Variants in ALDOB observed in about 807,000 individuals in gnomAD.
The protein encoded by ALDOB is aldolase, fructose-bisphosphate B, also known as fructose-bisphosphate aldolase B.
ALDOB carries 39 observed loss-of-function variants against 41.0 expected under a neutral mutation model. The observed-to-expected ratio is 0.95, with a 90% confidence interval of 0.74 to 1.24. The LOEUF (loss-of-function observed/expected upper bound fraction) is 1.24. Among genes scored for constraint, ALDOB ranks in the 50% most tolerant of loss-of-function variants. ALDOB has a pLI of 0.00. For missense variants in ALDOB, 530 were observed against 457.3 expected, an observed-to-expected ratio of 1.16 and a Z score of -1.45; for synonymous variants, 175 against 168.8, an observed-to-expected ratio of 1.04 and a Z score of -0.28.
intron 1 of ALDOB, among the ~76,000 whole-genome samples, chr9:101,432,251 G>A (rs575263900): frequency 6.6e-6 from 1 of 152,300 alleles, no homozygotes; most frequent in Admixed American, 6.5e-5. Context: ...CCAAAAGAAT[G>A]AAACTGCAAT....
chr9:101,433,113 G>A (rs940317568), intron 1 of ALDOB, among the ~76,000 whole-genome samples: 18 of 152,166 alleles, frequency 1.2e-4, no homozygotes, highest in African/African-American at 3.9e-4. Context: ...TGCCATCTAT[G>A]AGCACCCTGC....
At chr9:101,427,676 T>A in intron 4 of ALDOB, 34 bp from the exon 5 acceptor site, 2 of 1,612,818 alleles carry the variant, frequency 1.2e-6, no homozygotes, top group Admixed American at 1.7e-5. Context: ...GGCTTCTTTG[T>A]ACCTTTGTAC....
rs1378809922 is a variant in ALDOB, at chr9:101,429,965, A to G, written c.114T>C (p.Gly38=). The stretch of plus-strand genomic sequence containing the variant: ...TCCTCTGCAGGCGGTTCCCCATGGT[A>G]CCTATGGTGGGAGGGCCAAGGGCAG... ...KGILAADESV[G]TMGNRLQRIK... The change falls in exon 3 of 9, where the codon GGT becomes GGC. Residue 38 remains glycine, a splice_region_variant and synonymous_variant. Coordinates refer to ENST00000647789, the MANE Select transcript of ALDOB (RefSeq NM_000035.4). The G allele has an allele frequency of 1.9e-6, 3 of 1,613,850 alleles. No individual in the cohort carries two copies. Among genetic ancestry groups the G allele is most frequent in the Admixed American group, 3.3e-5 (2 of 60,020 alleles).
chr9:101,435,023 C>A (rs1831271590), intron 1 of ALDOB, among the ~76,000 whole-genome samples: 1 of 152,194 alleles, frequency 6.6e-6, no homozygotes, highest in Non-Finnish European at 1.5e-5. Context: ...AATACACAAC[C>A]TTTTGATTCC....
chr9:101,427,631 G>C lies in ALDOB; in HGVS notation c.391C>G (p.Leu131Val). 1 of 1,614,082 alleles carries C rather than the reference G, an allele frequency of 6.2e-7. No individual in the cohort carries two copies. The highest frequency in any genetic ancestry group is 8.5e-7 in the Non-Finnish European group (1 of 1,180,020). ...TTGTACTGAGCACAGCGCTCTGAGA[G>C]GCCATCAAGCCCTGCAAGTCACAAA... ...KETTIQGLDG[L>V]SERCAQYKKD... Residue 131 changes from leucine (L) to valine (V), a missense_variant, in exon 5 of 9, where the codon CTC (leucine) becomes GTC (valine). Transcript: ENST00000647789.
Position 101,425,054 on chromosome 9 carries a change from G to C in ALDOB, c.800-12C>G. The C allele has an allele frequency of 6.2e-7, 1 of 1,614,112 alleles. No homozygotes were observed. Among genetic ancestry groups the C allele is most frequent in the African/African-American group, 1.3e-5 (1 of 75,066 alleles). Reference sequence around the variant, plus strand: ...CAAAAAGCAGATGCCTGGTAGGAGAGAAGCCATTTCACTCTATTAGTCCCA... The same window carrying C: ...CAAAAAGCAGATGCCTGGTAGGAGACAAGCCATTTCACTCTATTAGTCCCA... On this transcript the variant is annotated splice_polypyrimidine_tract_variant and intron_variant, in intron 7 of 8. Transcript: ENST00000647789.
intron 8 of ALDOB, among the ~76,000 whole-genome samples, chr9:101,423,626 C>T (rs1422541168): frequency 2.6e-5 from 4 of 152,164 alleles, no homozygotes; most frequent in Admixed American, 1.3e-4. Context: ...CTGATTCCAA[C>T]TGTATTCTCT....
intron 8 of ALDOB, among the ~76,000 whole-genome samples, chr9:101,422,800 G>A (rs914904307): frequency 6.6e-6 from 1 of 152,158 alleles, no homozygotes. Context: ...TAAATATTTG[G>A]AGTGAATACC....
chr9:101,429,405 T>C (rs1831180998), intron 3 of ALDOB, among the ~76,000 whole-genome samples: 1 of 152,168 alleles, frequency 6.6e-6, no homozygotes, highest in African/African-American at 2.4e-5. Flanking sequence ...GCGATCCTCT[T>C]GCCTCTGCCT....
Position 101,428,559 on chromosome 9 carries a change from A to G in ALDOB, c.325-36T>C, listed in dbSNP as rs370963604. Reference sequence around the variant, plus strand: ...AAATAATTAACAGGTGTCAGATGTCAGGAAAACACAAGCAGAACTCTTGAA... The same window carrying G: ...AAATAATTAACAGGTGTCAGATGTCGGGAAAACACAAGCAGAACTCTTGAA... On this transcript the variant is annotated intron_variant, in intron 3 of 8. Coordinates refer to ENST00000647789, the MANE Select transcript of ALDOB (RefSeq NM_000035.4). 51 of 1,543,712 alleles carry G rather than the reference A, an allele frequency of 3.3e-5. No homozygotes were observed. The Middle Eastern group carries it at 8.4e-4, about 26-fold the overall frequency.
At chr9:101,425,138 G>T in intron 7 of ALDOB, 96 bp from the exon 8 acceptor site, 4 of 1,381,128 alleles carry the variant, frequency 2.9e-6, no homozygotes, top group Non-Finnish European at 1.0e-6. Flanking sequence ...TAATGTCTCA[G>T]TCTTTTCTCT....
At chr9:101,431,087 A>G (rs938967895) in intron 1 of ALDOB, among the ~76,000 whole-genome samples, 190 bp from the exon 2 acceptor site, 1 of 152,228 alleles carries the variant, frequency 6.6e-6, no homozygotes, top group Non-Finnish European at 1.5e-5. Context: ...GCTGCAATGA[A>G]TGAAGGTGGG....
At chr9:101,432,720 A>G (rs1831238881) in intron 1 of ALDOB, among the ~76,000 whole-genome samples, 1 of 152,188 alleles carries the variant, frequency 6.6e-6, no homozygotes, top group African/African-American at 2.4e-5. Flanking sequence ...AAAGAATATA[A>G]GAGAGTGTAA....
Position 101,429,613 on chromosome 9 carries a change from C to T in ALDOB, c.324+142G>A. ...GAAAACTCTAGAAGAGGATCTTGTTCTCTGTGGGAAGATGACGATGGAAAA... is the reference window on the plus strand; with the variant it reads ...GAAAACTCTAGAAGAGGATCTTGTTTTCTGTGGGAAGATGACGATGGAAAA... On this transcript the variant is annotated intron_variant, in intron 3 of 8. Transcript: ENST00000647789. 3.5e-6 allele frequency: 3 copies of T among 860,474 alleles called. No individual in the cohort carries two copies. The South Asian group carries it at 4.0e-5, about 11-fold the overall frequency. 53.3% of individuals were successfully genotyped at this position (860,474 alleles called of 1,614,324 possible).
intron 8 of ALDOB, 77 bp downstream of exon 8, chr9:101,424,766 A>G (rs761474284): frequency 1.2e-5 from 19 of 1,563,416 alleles, no homozygotes; most frequent in Non-Finnish European, 1.4e-5. Context: ...CCCAAAGAAA[A>G]CAATGCTTCT....
chr9:101,435,504 T>C (rs1387581070), intron 1 of ALDOB, among the ~76,000 whole-genome samples: 5 of 152,054 alleles, frequency 3.3e-5, no homozygotes, highest in South Asian at 4.2e-4. Context: ...TCTCAAAAAG[T>C]CAGGAAAGGT....
intron 4 of ALDOB, 72 bp from the exon 5 acceptor site, chr9:101,427,714 A>G (rs1325675543): frequency 6.3e-7 from 1 of 1,585,212 alleles, no homozygotes; most frequent in African/African-American, 1.3e-5. Context: ...TAATAAAGGG[A>G]AGGAGTTCTC....
rs755242484 is a variant in ALDOB, at chr9:101,424,978, G to A, written c.864C>T (p.Asn288=). Residue 288 remains asparagine (N), a synonymous_variant, in exon 8 of 9, where the codon AAC becomes AAT. Coordinates refer to ENST00000647789, the MANE Select transcript of ALDOB (RefSeq NM_000035.4). ...TCCAGGGCTTTGGTAGAGGGCAAAG[G>A]TTGATAGCATTGAGGTTGAGAGTGG... The part of the protein sequence containing the change: ...EDATLNLNAI[N]LCPLPKPWKL... 6.2e-7 allele frequency: 1 copy of A among 1,614,210 alleles called. No individual in the cohort carries two copies.
intron 3 of ALDOB, among the ~76,000 whole-genome samples, chr9:101,429,049 A>G (rs761423718): frequency 1.3e-5 from 2 of 152,228 alleles, no homozygotes; most frequent in Non-Finnish European, 2.9e-5. Context: ...AGACCTAGTT[A>G]TAAGATAGAA....
Sources: allele counts gnomAD v4.1 joint callset (sites outside exome capture counted in the v4.1 genomes callset), GRCh38; gene constraint gnomAD v4.1.1; transcripts MANE v1.5; gene names NCBI Gene and HGNC (gene_info 2026-07-23, HGNC 2026-07-21).